RRAGB: variants seen among roughly 807,000 people sequenced by gnomAD.
RRAGB encodes Ras related GTP binding B, also known as ras-related GTP-binding protein B.
RRAGB carries 6 observed loss-of-function variants against 29.3 expected under a neutral mutation model. The ratio of observed to expected loss-of-function variants is 0.21; its 90% CI spans 0.11 to 0.40. The LOEUF (loss-of-function observed/expected upper bound fraction) is 0.40, where lower values mean the gene tolerates loss of function less well. RRAGB is among the 10% of genes least tolerant of loss of function. RRAGB has a pLI of 1.00. For synonymous variants in RRAGB, 101 were observed against 92.5 expected (o/e 1.09, Z -0.53); for missense variants, 184 against 272.9 (o/e 0.67, Z 2.29).
chrX:55,725,975 A>G (rs1447299447), intron 3 of RRAGB, among the ~76,000 whole-genome samples: 3 of 111,135 alleles, frequency 2.7e-5, no homozygotes, highest in Non-Finnish European at 5.7e-5. Context: ...GGGTAGGAAG[A>G]CTAGGAGAGC....
Position 55,758,411 on chromosome X carries a change from G to A in RRAGB, c.*68G>A. On this transcript the variant is annotated 3_prime_UTR_variant, in exon 10 of 10. Transcript: ENST00000374941. ...AATTAATGTTGTATTCATATATGTA[G>A]GCTCTGAAATGTTGTGATGCTTATT... 4.2e-6 allele frequency: 3 copies of A among 709,177 alleles called. No homozygotes were observed. The East Asian group carries it at 1.1e-4, about 26-fold the overall frequency. The allele number at this position is 709,177 out of a possible 1,213,427, so 58.4% of individuals were successfully genotyped here.
intron 5 of RRAGB, among the ~76,000 whole-genome samples, chrX:55,733,450 C>T (rs1347102674): frequency 9.0e-6 from 1 of 111,665 alleles, no homozygotes; most frequent in African/African-American, 3.3e-5. Context: ...TCATAAAGGG[C>T]TCTTACTATT....
intron 5 of RRAGB, among the ~76,000 whole-genome samples, chrX:55,738,133 C>T (rs751923577): frequency 1.8e-5 from 2 of 112,560 alleles, no homozygotes; most frequent in African/African-American, 6.4e-5. Flanking sequence ...TTTCTTTTTT[C>T]TTTTTTGGTG....
intron 5 of RRAGB, among the ~76,000 whole-genome samples, chrX:55,733,302 A>G (rs184622742): frequency 8.9e-6 from 1 of 112,134 alleles, no homozygotes; most frequent in African/African-American, 3.2e-5. Flanking sequence ...TTTCTTTCTC[A>G]TGCCTAATTA....
intron 5 of RRAGB, chrX:55,731,802 G>T (rs2033689728): frequency 2.7e-6 from 1 of 375,881 alleles, no homozygotes; most frequent in Non-Finnish European, 4.6e-6. Context: ...AATTAGGCAA[G>T]GATTCTGTCC....
intron 3 of RRAGB, among the ~76,000 whole-genome samples, chrX:55,726,680 A>C (rs1445079781): frequency 9.0e-6 from 1 of 110,938 alleles, no homozygotes; most frequent in Non-Finnish European, 1.9e-5. Context: ...TGAAGGATGA[A>C]ACTGAGGTTT....
At chrX:55,739,019 C>T (rs1016690358) in intron 5 of RRAGB, among the ~76,000 whole-genome samples, 1 of 112,388 alleles carries the variant, frequency 8.9e-6, no homozygotes, top group South Asian at 3.7e-4. Flanking sequence ...CAAAAGAATC[C>T]ACATTGGGAG....
chrX:55,751,510 T>C (rs1376264489), intron 6 of RRAGB: 1 of 173,588 alleles, frequency 5.8e-6, no homozygotes, highest in African/African-American at 3.1e-5. Context: ...TGACCTGTTG[T>C]GGTCTCAATG....
intron 6 of RRAGB, 173 bp downstream of exon 6, chrX:55,751,369 G>T (rs2034522879): frequency 8.2e-6 from 3 of 366,386 alleles, no homozygotes; most frequent in African/African-American, 5.2e-5. Context: ...AACATTAAGA[G>T]ACTTGGGTTT....
At chrX:55,719,117 G>C (rs757008737) in intron 1 of RRAGB, among the ~76,000 whole-genome samples, 197 bp from the exon 2 acceptor site, 1 of 111,505 alleles carries the variant, frequency 9.0e-6, no homozygotes, top group Non-Finnish European at 1.9e-5. Context: ...CTTCTAATTA[G>C]GAGATAGAGA....
chrX:55,720,801 C>T (rs1255182295), intron 2 of RRAGB, among the ~76,000 whole-genome samples: 1 of 110,917 alleles, frequency 9.0e-6, no homozygotes, highest in Non-Finnish European at 1.9e-5. Context: ...TCACTTGAAC[C>T]CGGGAGGCGG....
chrX:55,720,799 A>T (rs1486018054), intron 2 of RRAGB, among the ~76,000 whole-genome samples: 1 of 110,598 alleles, frequency 9.0e-6, no homozygotes, highest in East Asian at 2.8e-4. Flanking sequence ...AATCACTTGA[A>T]CCCGGGAGGC....
chrX:55,748,641 C>T lies in RRAGB; in HGVS notation c.517-2460C>T, dbSNP rs191624753. ...GAGACCCTCCGCCTGGCAACCGCCC[C>T]GCCTGAGAAGTGAGGAGCCCCTCCG... On this transcript the variant is annotated intron_variant, in intron 5 of 9. Coordinates refer to ENST00000374941, the MANE Select transcript of RRAGB (RefSeq NM_006064.5). Among the ~76,000 whole-genome samples, 908 of 110,286 alleles carry T rather than the reference C, an allele frequency of 8.2e-3. 10 individuals carry two copies. The highest frequency in any genetic ancestry group is 0.028 in the African/African-American group (861 of 30,260).
chrX:55,757,164 G>A, intron 8 of RRAGB, 52 bp from the exon 9 acceptor site: 1 of 641,013 alleles, frequency 1.6e-6, no homozygotes, highest in Non-Finnish European at 2.5e-6. Context: ...ATAAGAGCTT[G>A]TTGTAGTGTT....
intron 7 of RRAGB, among the ~76,000 whole-genome samples, chrX:55,754,671 T>C (rs905718954): frequency 3.6e-5 from 4 of 112,515 alleles, no homozygotes; most frequent in African/African-American, 1.3e-4. Context: ...TATTAAATAT[T>C]GATTCCTTTT....
intron 5 of RRAGB, among the ~76,000 whole-genome samples, chrX:55,739,158 C>T (rs1177424604): frequency 1.8e-5 from 2 of 112,891 alleles, no homozygotes; most frequent in Non-Finnish European, 3.8e-5. Flanking sequence ...AATGCAAAAC[C>T]GCCCCAGGCC....
intron 5 of RRAGB, among the ~76,000 whole-genome samples, chrX:55,741,087 A>G (rs1302686143): frequency 9.7e-6 from 1 of 103,445 alleles, no homozygotes; most frequent in East Asian, 3.1e-4. Flanking sequence ...CACCTTTCCA[A>G]TTTGCTTCAA....
chrX:55,733,811 T>G (rs900358905), intron 5 of RRAGB, among the ~76,000 whole-genome samples: 9 of 111,743 alleles, frequency 8.1e-5, no homozygotes, highest in African/African-American at 2.9e-4. Context: ...GACACTGGCT[T>G]TGTAGAATGA....
rs190436831 is a variant in RRAGB at position 55,731,233 on chromosome X, T to C, written c.294-131T>C. 138 of 491,906 alleles carry C rather than the reference T, an allele frequency of 2.8e-4. No homozygotes were observed. In the East Asian group the frequency reaches 5.0e-3, roughly 18 times the overall value. 40.5% of individuals were successfully genotyped at this position (491,906 alleles called of 1,213,427 possible). A position where few individuals can be genotyped will look rare whatever the true frequency, so the allele number is the denominator to read the frequency against. Reference sequence around the variant, plus strand: ...GGTGAGAAGGTAAGGCCAGACTTATTTGTTATGATTTGCCCTTTAAATTGA... The same window carrying C: ...GGTGAGAAGGTAAGGCCAGACTTATCTGTTATGATTTGCCCTTTAAATTGA... On this transcript the variant is annotated intron_variant, in intron 4 of 9. Coordinates refer to ENST00000374941, the MANE Select transcript of RRAGB (RefSeq NM_006064.5).
Sources: allele counts gnomAD v4.1 joint callset (sites outside exome capture counted in the v4.1 genomes callset), GRCh38; gene constraint gnomAD v4.1.1; transcripts MANE v1.5; gene names NCBI Gene and HGNC (gene_info 2026-07-23, HGNC 2026-07-21).